Variants in DPP10 observed in about 807,000 individuals in gnomAD.
DPP10 encodes dipeptidyl peptidase like 10.
A neutral mutation model predicts 120.9 loss-of-function variants in DPP10; 33 were observed. The observed-to-expected ratio is 0.27, with a 90% CI of 0.21 to 0.37. The LOEUF is 0.37. Among genes scored for constraint, DPP10 ranks in the 10% least tolerant of loss-of-function variants. The pLI, the probability that DPP10 is intolerant of heterozygous loss-of-function variation, is 1.00. For missense variants in DPP10, 816 were observed against 942.8 expected, an observed-to-expected ratio of 0.87 and a Z score of 1.76; for synonymous variants, 337 against 326.1, an observed-to-expected ratio of 1.03 and a Z score of -0.36.
At chr2:114,725,625 T>G (rs956928465) in intron 1 of DPP10, among the ~76,000 whole-genome samples, 2 of 152,224 alleles carry the variant, frequency 1.3e-5, no homozygotes, top group Non-Finnish European at 2.9e-5. Flanking sequence ...TGAGCATTAC[T>G]ATGTTCCAGA....
intron 1 of DPP10, among the ~76,000 whole-genome samples, chr2:114,822,289 G>A (rs1247261429): frequency 6.6e-6 from 1 of 152,104 alleles, no homozygotes; most frequent in African/African-American, 2.4e-5. Context: ...GCACTCTGAA[G>A]CCATGACCCA....
Position 115,056,840 on chromosome 2 carries a change from A to G in DPP10, c.61-252399A>G, listed in dbSNP as rs188004666. On this transcript the variant is annotated intron_variant, in intron 1 of 25. Transcript: ENST00000410059. ...GGGATATCGGCTTATAGCCATGTCT[A>G]CATTTACAACAACCCTGCTCTTTTA... Among the ~76,000 whole-genome samples the G allele has an allele frequency of 7.9e-5, 12 of 152,356 alleles. No homozygotes were observed. The East Asian group carries it at 2.3e-3, about 29-fold the overall frequency.
At chr2:114,628,205 A>C (rs973705174) in intron 1 of DPP10, among the ~76,000 whole-genome samples, 1 of 152,122 alleles carries the variant, frequency 6.6e-6, no homozygotes, top group Non-Finnish European at 1.5e-5. Context: ...ACTGTGATTT[A>C]AGATTTGAAG....
At chr2:115,288,299 T>G (rs2105911524) in intron 1 of DPP10, among the ~76,000 whole-genome samples, 1 of 152,268 alleles carries the variant, frequency 6.6e-6, no homozygotes, top group African/African-American at 2.4e-5. Context: ...AACATTTTTT[T>G]TCTGTGTTTC....
intron 24 of DPP10, among the ~76,000 whole-genome samples, chr2:115,840,546 G>C (rs1014747843): frequency 6.6e-6 from 1 of 151,610 alleles, no homozygotes; most frequent in African/African-American, 2.4e-5. Context: ...GGATGGTCTC[G>C]ATCTCCTGAC....
intron 19 of DPP10, among the ~76,000 whole-genome samples, chr2:115,813,316 G>T (rs993301330): frequency 6.6e-6 from 1 of 152,170 alleles, no homozygotes; most frequent in Non-Finnish European, 1.5e-5. Flanking sequence ...GTGCCAGCAG[G>T]ATTGGTTATT....
intron 19 of DPP10, among the ~76,000 whole-genome samples, chr2:115,807,603 A>T (rs1300536629): frequency 6.6e-6 from 1 of 152,172 alleles, no homozygotes; most frequent in African/African-American, 2.4e-5. Flanking sequence ...AAAGAGCAAA[A>T]TAGTATCAAA....
chr2:115,421,653 A>T (rs771326583), intron 3 of DPP10, among the ~76,000 whole-genome samples: 3 of 152,020 alleles, frequency 2.0e-5, no homozygotes, highest in Non-Finnish European at 4.4e-5. Context: ...CAGGCGGATC[A>T]CGAAGTCAAG....
At chr2:115,637,873 C>T (rs2086475734) in intron 5 of DPP10, among the ~76,000 whole-genome samples, 1 of 152,114 alleles carries the variant, frequency 6.6e-6, no homozygotes, top group Admixed American at 6.5e-5. Context: ...ACCTCTAGTA[C>T]CACCCTTGTA....
At chr2:115,773,028 CTG>C (rs1014338348) in intron 13 of DPP10, among the ~76,000 whole-genome samples, 1 of 152,106 alleles carries the variant, frequency 6.6e-6, no homozygotes, top group African/African-American at 2.4e-5. Flanking sequence ...ACTACAAATA[CTG>C]TGGAAAACAG....
chr2:115,512,296 T>C (rs992555949), intron 4 of DPP10, among the ~76,000 whole-genome samples: 10 of 151,788 alleles, frequency 6.6e-5, no homozygotes, highest in African/African-American at 1.7e-4. Flanking sequence ...GATTGTGTCA[T>C]ACTATTTTGC....
At chr2:115,804,711 G>A (rs2149991263) in intron 19 of DPP10, among the ~76,000 whole-genome samples, 1 of 152,322 alleles carries the variant, frequency 6.6e-6, no homozygotes, top group Admixed American at 6.5e-5. Context: ...GACCCTGTTT[G>A]CCTGGGTATC....
At chr2:115,123,817 G>A (rs1453454050) in intron 1 of DPP10, among the ~76,000 whole-genome samples, 2 of 152,090 alleles carry the variant, frequency 1.3e-5, no homozygotes, top group Admixed American at 1.3e-4. Flanking sequence ...AAATATTAAT[G>A]TGTTAATAGA....
chr2:115,442,456 A>AT (rs989036788), intron 3 of DPP10, among the ~76,000 whole-genome samples: 7 of 151,584 alleles, frequency 4.6e-5, no homozygotes, highest in Admixed American at 2.6e-4. Context: ...GTAATTCCTG[A>AT]TTTGGGGGAT....
intron 5 of DPP10, among the ~76,000 whole-genome samples, chr2:115,634,092 T>C (rs960064818): frequency 1.3e-5 from 2 of 152,188 alleles, no homozygotes; most frequent in African/African-American, 4.8e-5. Flanking sequence ...TTGATACTTG[T>C]ATTTGCATTG....
intron 1 of DPP10, among the ~76,000 whole-genome samples, chr2:114,847,814 A>G (rs1448762495): frequency 6.6e-6 from 1 of 152,208 alleles, no homozygotes; most frequent in Non-Finnish European, 1.5e-5. Context: ...AAAATAAATA[A>G]TAAGACAGTG....
intron 1 of DPP10, among the ~76,000 whole-genome samples, chr2:114,463,127 C>T (rs1679066504): frequency 6.6e-6 from 1 of 152,150 alleles, no homozygotes; most frequent in Non-Finnish European, 1.5e-5. Flanking sequence ...TTCATCGCTT[C>T]TAGGCCCTCT....
intron 1 of DPP10, among the ~76,000 whole-genome samples, chr2:115,171,684 C>T (rs752250673): frequency 2.0e-5 from 3 of 149,804 alleles, no homozygotes; most frequent in Non-Finnish European, 4.4e-5. Flanking sequence ...CATGGTAGCA[C>T]ATCTGCCTTC....
intron 5 of DPP10, among the ~76,000 whole-genome samples, chr2:115,576,373 T>A (rs2081655844): frequency 6.6e-6 from 1 of 152,160 alleles, no homozygotes; most frequent in Admixed American, 6.5e-5. Flanking sequence ...TTCTGCTAAG[T>A]TTTCAGCAAA....
Sources: gnomAD v4.1 joint callset for allele counts (sites outside exome capture counted in the v4.1 genomes callset) on GRCh38, gnomAD v4.1.1 for gene constraint, MANE v1.5 for transcripts, NCBI Gene and HGNC (gene_info 2026-07-23, HGNC 2026-07-21) for gene names.